Variants in BRPF1 observed in about 807,000 individuals in gnomAD.
BRPF1 encodes bromodomain and PHD finger containing 1, also known as peregrin.
In BRPF1, 15 loss-of-function variants were observed where a neutral mutation model predicts 115.0. The observed-to-expected ratio is 0.13, with a 90% CI of 0.09 to 0.20. The LOEUF (loss-of-function observed/expected upper bound fraction) is 0.20. BRPF1 is among the 10% of genes least tolerant of loss of function. BRPF1 has a pLI of 1.00. For synonymous variants in BRPF1, 647 were observed against 619.8 expected (o/e 1.04, Z -0.65); for missense variants, 1,118 against 1,638.3 (o/e 0.68, Z 5.48).
Position 9,745,455 on chromosome 3 carries a change from A to G in BRPF1, c.3069-118A>G, listed in dbSNP as rs2077106815. On this transcript the variant is annotated intron_variant, in intron 10 of 13. Coordinates refer to ENST00000383829, the MANE Select transcript of BRPF1 (RefSeq NM_001003694.2). The surrounding 1 kb of genome is among the most constrained non-coding windows in gnomAD (Gnocchi z 5.1). ...GGTGTTTGAATTTGAAATTCCTCATATAGCCTCTGCTTTCCAAAAGTCTCA... is the reference window on the plus strand; with the variant it reads ...GGTGTTTGAATTTGAAATTCCTCATGTAGCCTCTGCTTTCCAAAAGTCTCA... 4.9e-6 allele frequency: 6 copies of G among 1,235,496 alleles called. No individual in the cohort carries two copies. The African/African-American group carries it at 6.0e-5, about 12-fold the overall frequency. The allele number at this position is 1,235,496 out of a possible 1,614,324, so 76.5% of individuals were successfully genotyped here. A position where few individuals can be genotyped will look rare whatever the true frequency, so the allele number is the denominator to read the frequency against.
chr3:9,741,171 C>T, intron 4 of BRPF1, 137 bp from the exon 5 acceptor site: 1 of 1,171,218 alleles, frequency 8.5e-7, no homozygotes, highest in Non-Finnish European at 1.2e-6. Flanking sequence ...GCCTTGGGGA[C>T]ACACAGATTG....
rs1225107998 is a variant in BRPF1, at chr3:9,741,968, A to AACTGG, written c.1855-57_1855-56insACTGG. 2.9e-4 allele frequency: 459 copies of AACTGG among 1,602,002 alleles called. 1 individual carries two copies. The highest frequency in any genetic ancestry group is 1.6e-3 in the Admixed American group (93 of 59,076). On this transcript the variant is annotated intron_variant, in intron 5 of 13. Coordinates refer to ENST00000383829, the MANE Select transcript of BRPF1 (RefSeq NM_001003694.2). ...AGGCCAGCTGGGACCATATCCTCAG[A>AACTGG]CCTCTTTGCCACTGAACTGGCCGAG...
chr3:9,747,489 G>A lies in BRPF1; in HGVS notation c.*140G>A, dbSNP rs2077148305. The A allele has an allele frequency of 2.9e-6, 3 of 1,019,744 alleles. No homozygotes were observed. Among genetic ancestry groups the A allele is most frequent in the African/African-American group, 1.6e-5 (1 of 62,324 alleles). The allele number at this position is 1,019,744 out of a possible 1,614,324, so 63.2% of individuals were successfully genotyped here. On this transcript the variant is annotated 3_prime_UTR_variant, in exon 14 of 14. Transcript: ENST00000383829. This position sits in a 1 kb window ranked among gnomAD's most constrained non-coding sequence, Gnocchi z 5.6. Reference sequence around the variant, plus strand: ...TCTCAGGGGAAGCTGGGTGGGGGAGGTCCCTCCTGCCCTAAGTGCAGCTGG... The same window carrying A: ...TCTCAGGGGAAGCTGGGTGGGGGAGATCCCTCCTGCCCTAAGTGCAGCTGG...
chr3:9,740,211 G>A (rs114130653), intron 3 of BRPF1, among the ~76,000 whole-genome samples: 1,909 of 152,322 alleles, frequency 0.013, 18 homozygotes, highest in Middle Eastern at 0.024. Flanking sequence ...TTTTGATGGT[G>A]TGGTTTGTTA....
In BRPF1 at chr3:9,734,250, G is replaced by C; in HGVS notation, c.110G>C (p.Gly37Ala). The stretch of plus-strand genomic sequence containing the variant: ...CGAAAGGTCTACAAGAGTTACAGTG[G>C]TATTGAGTACCACCTGTACCACTAT... ...TCRKVYKSYS[G>A]IEYHLYHYDH... Residue 37 changes from glycine to alanine, a missense_variant, in exon 2 of 14, where the codon GGT becomes GCT. Transcript: ENST00000383829. The surrounding 1 kb of genome is among the most constrained non-coding windows in gnomAD (Gnocchi z 5.7). The C allele has an allele frequency of 6.2e-7, 1 of 1,614,088 alleles. No homozygotes were observed. The highest frequency in any genetic ancestry group is 8.5e-7 in the Non-Finnish European group (1 of 1,180,020).
chr3:9,747,382 T>C lies in BRPF1; in HGVS notation c.*33T>C, dbSNP rs766601859. ...CAACACAGCCCAACCTATAGTGCCCTGTGACTTCTCTCCTCCCCTTTGCTC... is the reference window on the plus strand; with the variant it reads ...CAACACAGCCCAACCTATAGTGCCCCGTGACTTCTCTCCTCCCCTTTGCTC... On this transcript the variant is annotated 3_prime_UTR_variant, in exon 14 of 14. Coordinates refer to ENST00000383829, the MANE Select transcript of BRPF1 (RefSeq NM_001003694.2). This position sits in a 1 kb window ranked among gnomAD's most constrained non-coding sequence, Gnocchi z 5.6. 6.2e-7 allele frequency: 1 copy of C among 1,601,232 alleles called. No individual in the cohort carries two copies. Among genetic ancestry groups the C allele is most frequent in the Admixed American group, 1.7e-5 (1 of 59,788 alleles).
Position 9,745,585 on chromosome 3 carries a change from A to T in BRPF1, c.3081A>T (p.Ser1027=), listed in dbSNP as rs771078017. The part of the protein sequence containing the change: ...AASDRTSTTP[S]KQGRGKPSFS... Reference sequence around the variant, plus strand: ...GTCTTGTCCACAGCACAACGCCCTCAAAACAAGGCCGGGGCAAACCCTCCT... The same window carrying T: ...GTCTTGTCCACAGCACAACGCCCTCTAAACAAGGCCGGGGCAAACCCTCCT... The change falls in exon 11 of 14, where the codon TCA becomes TCT. Residue 1027 remains serine (S), a synonymous_variant. Transcript: ENST00000383829. The surrounding 1 kb of genome is among the most constrained non-coding windows in gnomAD (Gnocchi z 5.1). The T allele has an allele frequency of 1.2e-6, 2 of 1,614,148 alleles. No homozygotes were observed. Among genetic ancestry groups the T allele is most frequent in the East Asian group, 4.5e-5 (2 of 44,882 alleles).
At position 9,739,827 on chromosome 3, in the gene BRPF1, G is replaced by C; in HGVS notation, c.1428G>C (p.Lys476Asn). Residue 476 changes from lysine (K) to asparagine (N), a missense_variant, in exon 3 of 14, where the codon AAG becomes AAC. By Grantham distance (94) the Lys-to-Asn change is moderately conservative. Around this residue, in one of 10 missense-constraint regions of BRPF1, gnomAD observed 87 missense variants for 93.4 expected, o/e 0.93. Transcript: ENST00000383829. ...EDEDEEEDEGKGWSSEKVKKA... is the reference protein window; with the variant it reads ...EDEDEEEDEGNGWSSEKVKKA... ...AAGATGAGGAGGAGGATGAGGGTAA[G>C]GGCTGGAGCTCAGAGAAAGTCAAGA... The C allele has an allele frequency of 1.2e-6, 2 of 1,603,916 alleles. No homozygotes were observed. Among genetic ancestry groups the C allele is most frequent in the Non-Finnish European group, 1.7e-6 (2 of 1,175,044 alleles).
At chr3:9,742,288 G>C (rs2077044853) in intron 6 of BRPF1, 117 bp downstream of exon 6, 1 of 1,523,402 alleles carries the variant, frequency 6.6e-7, no homozygotes, top group South Asian at 1.3e-5. Flanking sequence ...GGTGGCTCTG[G>C]GGCAGGATGA....
In BRPF1 at chr3:9,747,721, C is replaced by CGGT. The variant is rs1459161302; in HGVS notation, c.*372_*373insGGT. 1 of 185,764 alleles carries CGGT rather than the reference C, an allele frequency of 5.4e-6. No homozygotes were observed. The highest frequency in any genetic ancestry group is 1.3e-4 in the East Asian group (1 of 7,896). 11.5% of individuals were successfully genotyped at this position (185,764 alleles called of 1,614,324 possible). A position where few individuals can be genotyped will look rare whatever the true frequency, so the allele number is the denominator to read the frequency against. ...ACTGCCTAGAGGCCTGGGGCCCCTACCGGTCGTGAGGTGAGTGGGCATCTG... is the reference window on the plus strand; with the variant it reads ...ACTGCCTAGAGGCCTGGGGCCCCTACGGTCGGTCGTGAGGTGAGTGGGCATCTG... On this transcript the variant is annotated 3_prime_UTR_variant, in exon 14 of 14. Transcript: ENST00000383829. This position sits in a 1 kb window ranked among gnomAD's most constrained non-coding sequence, Gnocchi z 5.6.
rs1181844179 is a variant in BRPF1, at chr3:9,744,155, G to T, written c.2636-69G>T. The T allele has an allele frequency of 3.4e-6, 5 of 1,460,916 alleles. No homozygotes were observed. The South Asian group carries it at 5.6e-5, about 16-fold the overall frequency. The allele number at this position is 1,460,916 out of a possible 1,614,324, so 90.5% of individuals were successfully genotyped here. A position where few individuals can be genotyped will look rare whatever the true frequency, so the allele number is the denominator to read the frequency against. On this transcript the variant is annotated intron_variant, in intron 8 of 13. Coordinates refer to ENST00000383829, the MANE Select transcript of BRPF1 (RefSeq NM_001003694.2). ...TAATGGTCCTATATGCCCAGGGCAT[G>T]ACCCTGGATATCTACCCTTCTCAAA... is the stretch of plus-strand genomic sequence containing the variant.
At position 9,739,734 on chromosome 3, in the gene BRPF1, C is replaced by T. The variant is rs1410387415; in HGVS notation, c.1335C>T (p.Asp445=). 6 of 1,614,040 alleles carry T rather than the reference C, an allele frequency of 3.7e-6. No homozygotes were observed. Among genetic ancestry groups the T allele is most frequent in the African/African-American group, 2.7e-5 (2 of 75,046 alleles). ...SFSVRKTAYC[D]IHTPPGSARR... ...GTGTCCGCAAGACAGCCTACTGCGA[C>T]ATCCACACGCCTCCAGGTTCAGCAC... The change falls in exon 3 of 14, where the codon GAC becomes GAT. Residue 445 remains aspartate, a synonymous_variant. Transcript: ENST00000383829.
chr3:9,738,209 G>A (rs951208900), intron 2 of BRPF1, among the ~76,000 whole-genome samples: 20 of 152,108 alleles, frequency 1.3e-4, no homozygotes, highest in Admixed American at 5.2e-4. Flanking sequence ...CTGGGCTGGA[G>A]GTTGAATGCC....
chr3:9,744,788 G>T (rs2077094456), intron 9 of BRPF1, among the ~76,000 whole-genome samples: 1 of 152,284 alleles, frequency 6.6e-6, no homozygotes, highest in Non-Finnish European at 1.5e-5. Context: ...TAAGCCATTT[G>T]TGTCCTAAAG....
chr3:9,745,249 C>A lies in BRPF1; in HGVS notation c.3068+94C>A. Reference sequence around the variant, plus strand: ...TTCCCTGTTGGAAGTGGGGTGGCAGCCATCTCAGTCTAGATTAAGATGGCT... The same window carrying A: ...TTCCCTGTTGGAAGTGGGGTGGCAGACATCTCAGTCTAGATTAAGATGGCT... On this transcript the variant is annotated intron_variant, in intron 10 of 13. Transcript: ENST00000383829. The surrounding 1 kb of genome is among the most constrained non-coding windows in gnomAD (Gnocchi z 5.1). The A allele has an allele frequency of 7.0e-7, 1 of 1,433,828 alleles. No individual in the cohort carries two copies. Among genetic ancestry groups the A allele is most frequent in the Non-Finnish European group, 9.3e-7 (1 of 1,069,638 alleles). 88.8% of individuals were successfully genotyped at this position (1,433,828 alleles called of 1,614,324 possible).
In BRPF1 at chr3:9,734,395, A is replaced by G. The variant is rs2076904977; in HGVS notation, c.255A>G (p.Pro85=). Residue 85 remains proline (P), a synonymous_variant, in exon 2 of 14, where the codon CCA becomes CCG. Transcript: ENST00000383829. This position sits in a 1 kb window ranked among gnomAD's most constrained non-coding sequence, Gnocchi z 5.7. ...GCCCCTCAGAGGTCTCACAGTCACC[A>G]GGCCGTGAGGTGATGAGCTATGCAC... ...SPSPSEVSQS[P]GREVMSYAQA... is the part of the protein sequence containing the mutation. The G allele has an allele frequency of 6.2e-7, 1 of 1,614,114 alleles. No individual in the cohort carries two copies. Among genetic ancestry groups the G allele is most frequent in the Non-Finnish European group, 8.5e-7 (1 of 1,180,020 alleles).
At chr3:9,732,343 C>T (rs1249796588) in intron 1 of BRPF1, 1 of 152,302 alleles carries the variant, frequency 6.6e-6, no homozygotes, top group African/African-American at 2.4e-5. Context: ...GGCGGGGAGC[C>T]TTGTTTCACT....
Position 9,742,968 on chromosome 3 carries a change from A to G in BRPF1, c.2026A>G (p.Lys676Glu), listed in dbSNP as rs755954505. 1.2e-6 allele frequency: 2 copies of G among 1,614,164 alleles called. No individual in the cohort carries two copies. The highest frequency in any genetic ancestry group is 2.2e-5 in the South Asian group (2 of 91,082). Residue 676 changes from lysine to glutamate, a missense_variant, in exon 7 of 14, where the codon AAA (lysine) becomes GAA (glutamate). This residue lies in a region of BRPF1 where 178 missense variants were observed against 303.7 expected (regional missense o/e 0.59). Coordinates refer to ENST00000383829, the MANE Select transcript of BRPF1 (RefSeq NM_001003694.2). ...GGTACCTGACTACCTAGACCACATC[A>G]AAAAGCCCATGGACTTTTTCACCAT... ...DEVPDYLDHI[K>E]KPMDFFTMKQ...
At chr3:9,733,070 A>T (rs2076882376) in intron 1 of BRPF1, 1 of 152,172 alleles carries the variant, frequency 6.6e-6, no homozygotes, top group Non-Finnish European at 1.5e-5. Context: ...AGGGCCTGGC[A>T]CTTGGTAGTC....
Sources: allele counts gnomAD v4.1 joint callset (sites outside exome capture counted in the v4.1 genomes callset), GRCh38; gene constraint gnomAD v4.1.1; regional missense constraint gnomAD v4.1.1; non-coding constraint Gnocchi (gnomAD v3.1); transcripts MANE v1.5; gene names NCBI Gene and HGNC (gene_info 2026-07-23, HGNC 2026-07-21).